Variants in FRMD4A observed in about 807,000 individuals in gnomAD.
FRMD4A encodes the protein FERM domain-containing protein 4A.
In FRMD4A, 29 loss-of-function variants were observed where a neutral mutation model predicts 129.1. The ratio of observed to expected loss-of-function variants is 0.22; its 90% confidence interval spans 0.17 to 0.31. The LOEUF (loss-of-function observed/expected upper bound fraction) is 0.31. Ranked by LOEUF, FRMD4A falls within the 10% of genes least tolerant of loss-of-function variation. FRMD4A has a pLI of 1.00. For missense variants in FRMD4A, 1,272 were observed against 1,375.8 expected (o/e 0.92, Z 1.19); for synonymous variants, 634 against 571.6 (o/e 1.11, Z -1.56).
At chr10:14,322,060 A>T (rs1843079603) in intron 2 of FRMD4A, among the ~76,000 whole-genome samples, 1 of 152,194 alleles carries the variant, frequency 6.6e-6, no homozygotes, top group Non-Finnish European at 1.5e-5. Context: ...CTTCCTATAC[A>T]GCCTGCGAAA....
intron 2 of FRMD4A, among the ~76,000 whole-genome samples, chr10:14,251,418 C>G (rs1012213155): frequency 1.3e-5 from 2 of 152,126 alleles, no homozygotes; most frequent in African/African-American, 4.8e-5. Flanking sequence ...ATCTTGGAAG[C>G]AAATATCCCC....
chr10:13,921,949 T>C (rs1193111346), intron 2 of FRMD4A, among the ~76,000 whole-genome samples: 2 of 152,202 alleles, frequency 1.3e-5, no homozygotes, highest in African/African-American at 2.4e-5. Context: ...TGATGGTTTT[T>C]GGAGAGGAGG....
intron 13 of FRMD4A, among the ~76,000 whole-genome samples, chr10:13,706,574 G>A (rs1408288288): frequency 6.6e-6 from 1 of 152,132 alleles, no homozygotes; most frequent in African/African-American, 2.4e-5. Flanking sequence ...CTGCTTTGGT[G>A]ACAAATTCAT....
chr10:14,138,595 C>G (rs1431433794), intron 2 of FRMD4A, among the ~76,000 whole-genome samples: 4 of 151,920 alleles, frequency 2.6e-5, no homozygotes, highest in Non-Finnish European at 5.9e-5. Flanking sequence ...ACCATCTCTG[C>G]TAAAAATACA....
intron 2 of FRMD4A, among the ~76,000 whole-genome samples, chr10:13,905,006 A>AAAAAAAAG (rs1565009809): frequency 1.3e-5 from 2 of 151,124 alleles, no homozygotes; most frequent in African/African-American, 4.8e-5. Flanking sequence ...AAAAAAAAAA[A>AAAAAAAAG]AAAAGAAAAG....
chr10:13,865,553 C>T (rs767046821), intron 2 of FRMD4A, among the ~76,000 whole-genome samples: 20 of 150,146 alleles, frequency 1.3e-4, no homozygotes, highest in Non-Finnish European at 2.4e-4. Context: ...CAGGCTCAAG[C>T]GATCCTCCCA....
At chr10:14,166,245 C>T (rs1041338836) in intron 2 of FRMD4A, among the ~76,000 whole-genome samples, 1 of 150,548 alleles carries the variant, frequency 6.6e-6, no homozygotes, top group Non-Finnish European at 1.5e-5. Flanking sequence ...AGTTTCAATA[C>T]ATTATGACTA....
At chr10:13,984,677 G>T (rs564706420) in intron 2 of FRMD4A, among the ~76,000 whole-genome samples, 1 of 152,232 alleles carries the variant, frequency 6.6e-6, no homozygotes, top group African/African-American at 2.4e-5. Context: ...AGGTGCTCAG[G>T]GTTCATCCGT....
intron 2 of FRMD4A, among the ~76,000 whole-genome samples, chr10:14,230,515 A>G (rs1843602493): frequency 6.6e-6 from 1 of 152,196 alleles, no homozygotes; most frequent in Non-Finnish European, 1.5e-5. Context: ...CATATTAGTT[A>G]TCATTATTGT....
chr10:13,999,893 T>A (rs1174949622), intron 2 of FRMD4A, among the ~76,000 whole-genome samples: 2 of 152,230 alleles, frequency 1.3e-5, no homozygotes, highest in African/African-American at 4.8e-5. Flanking sequence ...CCCTGGCCCT[T>A]GAAGGACAAT....
Position 13,656,952 on chromosome 10 carries a change from G to T in FRMD4A, c.2637C>A (p.Phe879Leu). Residue 879 changes from phenylalanine to leucine, a missense_variant, in exon 22 of 25, where the codon TTC becomes TTA. This residue lies in a region of FRMD4A where 972 missense variants were observed against 892.3 expected (regional missense o/e 1.09). Coordinates refer to ENST00000357447, the MANE Select transcript of FRMD4A (RefSeq NM_018027.5). ...CGCCGCCGCCGCGCCAGCTCTCCTT[G>T]AACAGGCCGCCCGCCGTGTAGGAGT... Reference protein sequence around the residue: ...TSNSYTAGGLFKESWRGGGGD... With the variant: ...TSNSYTAGGLLKESWRGGGGD... The T allele has an allele frequency of 6.5e-7, 1 of 1,533,958 alleles. No homozygotes were observed. The highest frequency in any genetic ancestry group is 8.7e-7 in the Non-Finnish European group (1 of 1,147,714).
chr10:13,740,624 C>CAGCCA, intron 9 of FRMD4A, 47 bp from the exon 10 acceptor site: 1 of 957,268 alleles, frequency 1.0e-6, no homozygotes. Flanking sequence ...TCTAGGTCAA[C>CAGCCA]AGCCAAGCTT....
chr10:13,988,260 A>G (rs990128050), intron 2 of FRMD4A, among the ~76,000 whole-genome samples: 20 of 152,234 alleles, frequency 1.3e-4, no homozygotes, highest in African/African-American at 4.8e-4. Context: ...AGGACTGCTC[A>G]GGTCTGTAGG....
chr10:14,284,464 C>T (rs912318566), intron 2 of FRMD4A, among the ~76,000 whole-genome samples: 1 of 152,090 alleles, frequency 6.6e-6, no homozygotes, highest in African/African-American at 2.4e-5. Flanking sequence ...CTGGCTAACA[C>T]GGTGAAACCC....
chr10:13,848,595 AGTGTGTGTGTGTACGTGTGTGTGT>A (rs762514665), intron 3 of FRMD4A, among the ~76,000 whole-genome samples: 20 of 134,376 alleles, frequency 1.5e-4, no homozygotes, highest in Admixed American at 3.0e-4. Context: ...CCTGGGTGTG[AGTGTGTGTGTGTACGTGTGTGTGT>A]GTGTGTGTGT....
intron 2 of FRMD4A, among the ~76,000 whole-genome samples, chr10:13,892,225 C>A (rs1289019145): frequency 6.6e-6 from 1 of 152,192 alleles, no homozygotes; most frequent in African/African-American, 2.4e-5. Context: ...CCAAAGCCAC[C>A]GCTCGAGGCC....
intron 2 of FRMD4A, among the ~76,000 whole-genome samples, chr10:14,067,742 G>A (rs1327489338): frequency 6.6e-6 from 1 of 152,086 alleles, no homozygotes; most frequent in Non-Finnish European, 1.5e-5. Flanking sequence ...CCTTGAACCT[G>A]GGAGGTGGAG....
At chr10:13,802,911 G>A (rs1188132782) in intron 4 of FRMD4A, among the ~76,000 whole-genome samples, 4 of 152,130 alleles carry the variant, frequency 2.6e-5, no homozygotes, top group African/African-American at 4.8e-5. Flanking sequence ...ACTTTGGGAG[G>A]TCAAGGTGCG....
intron 12 of FRMD4A, among the ~76,000 whole-genome samples, chr10:13,714,043 TA>T (rs1270377720): frequency 0.21 from 1,264 of 5,944 alleles, 248 homozygotes; most frequent in African/African-American, 0.46. Flanking sequence ...TATATATATA[TA>T]TATATATATA....
Sources: allele counts gnomAD v4.1 joint callset (sites outside exome capture counted in the v4.1 genomes callset), GRCh38; gene constraint gnomAD v4.1.1; regional missense constraint gnomAD v4.1.1; transcripts MANE v1.5; gene names NCBI Gene and HGNC (gene_info 2026-07-23, HGNC 2026-07-21).